Variants in AP3D1 observed in about 807,000 individuals in gnomAD.
AP3D1 encodes AP-3 complex subunit delta-1.
In AP3D1, 51 loss-of-function variants were observed where a neutral mutation model predicts 147.6. That is an observed-to-expected ratio of 0.35 (90% CI 0.28 to 0.44). AP3D1 has a LOEUF of 0.44. AP3D1 is among the 20% of genes least tolerant of loss of function. AP3D1 has a pLI of 1.00. For synonymous variants in AP3D1, 760 were observed against 663.0 expected, an observed-to-expected ratio of 1.15 and a Z score of -2.25; for missense variants, 1,421 against 1,624.2, an observed-to-expected ratio of 0.87 and a Z score of 2.15.
At chr19:2,103,300 A>G (rs1415314434) in intron 31 of AP3D1, among the ~76,000 whole-genome samples, 1 of 152,028 alleles carries the variant, frequency 6.6e-6, no homozygotes, top group African/African-American at 2.4e-5. Flanking sequence ...TCCAGCCTAC[A>G]TAGAAGTGGG....
chr19:2,130,587 T>G, intron 5 of AP3D1, 50 bp from the exon 6 acceptor site: 1 of 1,604,574 alleles, frequency 6.2e-7, no homozygotes, highest in South Asian at 1.1e-5. Flanking sequence ...GCCTCATCCC[T>G]GCTCTCGCCC....
At chr19:2,143,050 C>T (rs1240301653) in intron 1 of AP3D1, among the ~76,000 whole-genome samples, 1 of 151,892 alleles carries the variant, frequency 6.6e-6, no homozygotes, top group Non-Finnish European at 1.5e-5. Context: ...AGGAGTGAGC[C>T]ACCACGCCCA....
chr19:2,121,138 C>T, intron 13 of AP3D1, 25 bp downstream of exon 13: 1 of 1,613,804 alleles, frequency 6.2e-7, no homozygotes, highest in Non-Finnish European at 8.5e-7. Flanking sequence ...GAACCCCCGG[C>T]CACACCCCTG....
intron 31 of AP3D1, among the ~76,000 whole-genome samples, chr19:2,105,992 G>C (rs2018101111): frequency 6.6e-6 from 1 of 152,162 alleles, no homozygotes; most frequent in Admixed American, 6.5e-5. Context: ...AACTACTCAG[G>C]AGGCTGAGGC....
chr19:2,109,491 G>C (rs902604639), intron 29 of AP3D1: 2 of 505,506 alleles, frequency 4.0e-6, no homozygotes, highest in Non-Finnish European at 3.5e-6. Context: ...GAAGGGACTG[G>C]GGGGATAGGC....
chr19:2,153,291 A>G (rs1432226973), upstream of AP3D1, among the ~76,000 whole-genome samples: 1 of 148,174 alleles, frequency 6.7e-6, no homozygotes, highest in Admixed American at 6.7e-5. Flanking sequence ...GGAGAATGAC[A>G]TGAGTCCAGG....
intron 4 of AP3D1, among the ~76,000 whole-genome samples, chr19:2,135,738 G>A (rs565830673): frequency 9.9e-5 from 15 of 152,264 alleles, no homozygotes; most frequent in Middle Eastern, 3.4e-3. Flanking sequence ...AGGCAGCGGC[G>A]GATCTAAGTC....
intron 1 of AP3D1, among the ~76,000 whole-genome samples, chr19:2,144,029 T>C (rs2019293393): frequency 7.0e-6 from 1 of 143,026 alleles, no homozygotes; most frequent in African/African-American, 2.6e-5. Context: ...GACGTTGCGG[T>C]GAGCCGAGAT....
chr19:2,163,638 G>T (rs1181127792), intron 1 of AP3D1, among the ~76,000 whole-genome samples: 1 of 152,076 alleles, frequency 6.6e-6, no homozygotes, highest in Non-Finnish European at 1.5e-5. Flanking sequence ...GGTGTCCGGC[G>T]TCCTCCTCCT....
At chr19:2,122,095 C>A (rs56100605) in intron 11 of AP3D1, among the ~76,000 whole-genome samples, 2 of 152,118 alleles carry the variant, frequency 1.3e-5, no homozygotes, top group Admixed American at 6.5e-5. Context: ...AGGCTGCCCC[C>A]ATGCCGGCTC....
intron 1 of AP3D1, among the ~76,000 whole-genome samples, chr19:2,139,249 T>C (rs1319164243): frequency 6.6e-6 from 1 of 152,004 alleles, no homozygotes; most frequent in Non-Finnish European, 1.5e-5. Flanking sequence ...GTTCTGGAAC[T>C]TGGCCGTGGT....
intron 1 of AP3D1, among the ~76,000 whole-genome samples, chr19:2,158,030 T>C (rs535884438): frequency 1.3e-5 from 2 of 152,138 alleles, no homozygotes; most frequent in Non-Finnish European, 2.9e-5. Flanking sequence ...GCTCTTTTTT[T>C]TTCTTCCCTC....
intron 27 of AP3D1, 90 bp from the exon 28 acceptor site, chr19:2,110,314 C>T (rs2018235485): frequency 3.6e-6 from 4 of 1,113,350 alleles, no homozygotes; most frequent in Non-Finnish European, 5.4e-6. Context: ...CCCAAGTCCT[C>T]TGTGGCTGAT....
At chr19:2,103,696 G>A (rs1017656947) in intron 31 of AP3D1, among the ~76,000 whole-genome samples, 2 of 152,110 alleles carry the variant, frequency 1.3e-5, no homozygotes, top group Non-Finnish European at 2.9e-5. Flanking sequence ...CAGAAGGCAG[G>A]GGGGACTTGC....
upstream of AP3D1, among the ~76,000 whole-genome samples, chr19:2,154,362 CT>C (rs927301913): frequency 2.6e-5 from 4 of 151,432 alleles, no homozygotes; most frequent in Non-Finnish European, 4.4e-5. Context: ...TCACTGCAAC[CT>C]CCACCTCCCT....
chr19:2,101,192 G>A lies in AP3D1; in HGVS notation c.*981C>T, dbSNP rs1202788147. ...GTGACAGTTTTCATCAAAAGGAGAA[G>A]ATAAAATGTCATTATCTCTGAAGAA... On this transcript the variant is annotated 3_prime_UTR_variant, in exon 32 of 32. Transcript: ENST00000643116. 3.9e-5 allele frequency: 6 copies of A among 152,596 alleles called. No individual in the cohort carries two copies. Among genetic ancestry groups the A allele is most frequent in the Admixed American group, 3.9e-4 (6 of 15,278 alleles). 9.5% of individuals were successfully genotyped at this position (152,596 alleles called of 1,614,324 possible). A position where few individuals can be genotyped will look rare whatever the true frequency, so the allele number is the denominator to read the frequency against.
At chr19:2,139,773 T>C (rs963877026) in intron 1 of AP3D1, among the ~76,000 whole-genome samples, 3 of 152,150 alleles carry the variant, frequency 2.0e-5, no homozygotes, top group African/African-American at 2.4e-5. Flanking sequence ...CGGGATGCAA[T>C]GTTCCTCCTG....
At chr19:2,109,720 G>A (rs2018212449) in intron 29 of AP3D1, 153 bp downstream of exon 29, 1 of 715,054 alleles carries the variant, frequency 1.4e-6, no homozygotes, top group South Asian at 1.6e-5. Context: ...GCAGACACCA[G>A]GCAGCCTGAC....
chr19:2,162,193 C>T (rs1271489659), intron 1 of AP3D1, among the ~76,000 whole-genome samples: 2 of 150,890 alleles, frequency 1.3e-5, no homozygotes, highest in African/African-American at 2.4e-5. Flanking sequence ...CGAGTCACCA[C>T]GCCCGGCTAA....
Sources: gnomAD v4.1 joint callset for allele counts (sites outside exome capture counted in the v4.1 genomes callset) on GRCh38, gnomAD v4.1.1 for gene constraint, MANE v1.5 for transcripts, NCBI Gene and HGNC (gene_info 2026-07-23, HGNC 2026-07-21) for gene names.